Variants in PIGF observed in about 807,000 individuals in gnomAD.
PIGF encodes the protein phosphatidylinositol glycan anchor biosynthesis class F.
A neutral mutation model predicts 26.0 loss-of-function variants in PIGF; 23 were observed. The observed-to-expected ratio is 0.88, with a 90% CI of 0.64 to 1.25. The LOEUF is 1.25. PIGF is among the 50% of genes most tolerant of loss of function. PIGF has a pLI of 0.00. For synonymous variants in PIGF, 93 were observed against 92.6 expected (o/e 1.00, Z -0.03); for missense variants, 278 against 249.9 (o/e 1.11, Z -0.76).
At chr2:46,596,640 T>G (rs1669893911) in intron 4 of PIGF, among the ~76,000 whole-genome samples, 1 of 152,108 alleles carries the variant, frequency 6.6e-6, no homozygotes, top group Non-Finnish European at 1.5e-5. Context: ...CTCTTTTTGC[T>G]GCTTCTTCTA....
chr2:46,607,923 C>T (rs890082799), intron 4 of PIGF, among the ~76,000 whole-genome samples: 1 of 152,110 alleles, frequency 6.6e-6, no homozygotes, highest in African/African-American at 2.4e-5. Context: ...GTCTCAAACT[C>T]CTGACCTCAA....
intron 5 of PIGF, among the ~76,000 whole-genome samples, chr2:46,590,263 T>C (rs1669687701): frequency 6.6e-6 from 1 of 152,130 alleles, no homozygotes; most frequent in South Asian, 2.1e-4. Flanking sequence ...TCAATTTGGA[T>C]CTAGTTCATC....
intron 5 of PIGF, among the ~76,000 whole-genome samples, chr2:46,584,718 T>G (rs1669511885): frequency 6.6e-6 from 1 of 152,172 alleles, no homozygotes; most frequent in Non-Finnish European, 1.5e-5. Flanking sequence ...CTTACAAGAG[T>G]ACCTCCTTGG....
chr2:46,601,540 G>A (rs1572777867), intron 4 of PIGF, among the ~76,000 whole-genome samples: 1 of 151,996 alleles, frequency 6.6e-6, no homozygotes, highest in Non-Finnish European at 1.5e-5. Context: ...ATCTAAAAAA[G>A]AGACACTGTA....
In PIGF at chr2:46,589,717, T is replaced by A. The variant is rs774125731; in HGVS notation, c.546+2758A>T. ...AAGTGTATACTGTATTGTCTTCTCA[T>A]GAAATTTTGCTCTAACAACATCTCC... On this transcript the variant is annotated intron_variant, in intron 5 of 5. Coordinates refer to ENST00000281382, the MANE Select transcript of PIGF (RefSeq NM_002643.4). The surrounding 1 kb of genome is among the most constrained non-coding windows in gnomAD (Gnocchi z 4.7). Among the ~76,000 whole-genome samples the A allele has an allele frequency of 6.6e-6, 1 of 152,062 alleles. No individual in the cohort carries two copies. Among genetic ancestry groups the A allele is most frequent in the Non-Finnish European group, 1.5e-5 (1 of 67,930 alleles).
chr2:46,584,626 T>A (rs77695949), intron 5 of PIGF, among the ~76,000 whole-genome samples: 1 of 152,180 alleles, frequency 6.6e-6, no homozygotes, highest in East Asian at 1.9e-4. Flanking sequence ...ATTCATGTTA[T>A]GTAAATCAAG....
intron 4 of PIGF, among the ~76,000 whole-genome samples, chr2:46,606,193 A>G (rs1670216257): frequency 1.3e-5 from 2 of 152,356 alleles, no homozygotes; most frequent in African/African-American, 4.8e-5. Context: ...TTCAAATTTC[A>G]AAAGATAGCA....
At chr2:46,593,662 T>C (rs1460791583) in intron 4 of PIGF, among the ~76,000 whole-genome samples, 1 of 152,210 alleles carries the variant, frequency 6.6e-6, no homozygotes, top group Non-Finnish European at 1.5e-5. Flanking sequence ...CACTTCATCA[T>C]GTAGAACAGG....
rs2104071529 is a variant in PIGF at position 46,589,420 on chromosome 2, AGGAATGTTATACAAT to A, written c.546+3040_546+3054del. Reference sequence around the variant, plus strand: ...TCACTATAATCTTATGCTTGGCCTCAGGAATGTTATACAATGGTTTGAGTTCAAAGTAAAGAAAAC... The same window carrying A: ...TCACTATAATCTTATGCTTGGCCTCAGGTTTGAGTTCAAAGTAAAGAAAAC... On this transcript the variant is annotated intron_variant, in intron 5 of 5. Coordinates refer to ENST00000281382, the MANE Select transcript of PIGF (RefSeq NM_002643.4). This position sits in a 1 kb window ranked among gnomAD's most constrained non-coding sequence, Gnocchi z 4.7. Among the ~76,000 whole-genome samples the A allele has an allele frequency of 6.6e-6, 1 of 152,118 alleles. No individual in the cohort carries two copies. Among genetic ancestry groups the A allele is most frequent in the Admixed American group, 6.6e-5 (1 of 15,266 alleles).
intron 4 of PIGF, among the ~76,000 whole-genome samples, chr2:46,608,301 A>T (rs569952383): frequency 1.3e-5 from 2 of 152,152 alleles, no homozygotes; most frequent in Non-Finnish European, 2.9e-5. Flanking sequence ...CATCTGTTCC[A>T]GTTTTATCAT....
intron 1 of PIGF, 62 bp from the exon 2 acceptor site, chr2:46,615,247 T>C: frequency 1.4e-6 from 1 of 713,778 alleles, no homozygotes; most frequent in Non-Finnish European, 2.5e-6. Flanking sequence ...GTCTTAAATG[T>C]TTTGACCCCT....
intron 5 of PIGF, among the ~76,000 whole-genome samples, chr2:46,585,199 A>G (rs1376406): frequency 0.25 from 37,446 of 152,136 alleles, 5,738 homozygotes; most frequent in African/African-American, 0.44. Flanking sequence ...AAAATAGGAA[A>G]CTTAGAACAA....
At position 46,617,026 on chromosome 2, in the gene PIGF, A is replaced by ACGACGGGCGGCCCAGGCC. The variant is rs1345363049; in HGVS notation, c.-79_-78insGGCCTGGGCCGCCCGTCG. On this transcript the variant is annotated 5_prime_UTR_variant, in exon 1 of 6. Transcript: ENST00000281382. ...GAACTACTGCCTCCTACCATCAGGT[A>ACGACGGGCGGCCCAGGCC]CGACGGGCGGCCCAGGCCCACGCGC... 8.5e-6 allele frequency: 5 copies of ACGACGGGCGGCCCAGGCC among 585,758 alleles called. No individual in the cohort carries two copies. The East Asian group carries it at 1.2e-4, about 14-fold the overall frequency. 36.3% of individuals were successfully genotyped at this position (585,758 alleles called of 1,614,324 possible). A position where few individuals can be genotyped will look rare whatever the true frequency, so the allele number is the denominator to read the frequency against.
At chr2:46,591,483 G>A (rs1669721014) in intron 5 of PIGF, 1 of 793,202 alleles carries the variant, frequency 1.3e-6, no homozygotes, top group South Asian at 5.8e-5. Context: ...GTTGGAAAAA[G>A]AAAGCACATT....
chr2:46,581,673 A>G, intron 5 of PIGF, 82 bp from the exon 6 acceptor site: 4 of 1,510,378 alleles, frequency 2.6e-6, no homozygotes, highest in Non-Finnish European at 3.6e-6. Flanking sequence ...ATATTTCTAT[A>G]TTAAAGCTTA....
chr2:46,612,732 C>G (rs1670465351), intron 3 of PIGF, among the ~76,000 whole-genome samples: 2 of 152,086 alleles, frequency 1.3e-5, no homozygotes, highest in South Asian at 4.1e-4. Context: ...CTATTGAATA[C>G]TAGTTGTAGT....
chr2:46,606,669 C>T (rs556718069), intron 4 of PIGF, among the ~76,000 whole-genome samples: 1 of 152,288 alleles, frequency 6.6e-6, no homozygotes, highest in East Asian at 1.9e-4. Context: ...CCAAACTGCA[C>T]TTTACAGAGT....
At chr2:46,606,399 G>A (rs964006071) in intron 4 of PIGF, among the ~76,000 whole-genome samples, 6 of 152,050 alleles carry the variant, frequency 3.9e-5, no homozygotes, top group Admixed American at 2.6e-4. Context: ...CTAACTTATC[G>A]GTAAATAAAG....
chr2:46,611,275 C>T (rs1254774246), intron 4 of PIGF, among the ~76,000 whole-genome samples: 1 of 151,686 alleles, frequency 6.6e-6, no homozygotes, highest in Admixed American at 6.6e-5. Flanking sequence ...ATCATGAGGT[C>T]GAGATCAAGA....
Sources: gnomAD v4.1 joint callset for allele counts (sites outside exome capture counted in the v4.1 genomes callset) on GRCh38, gnomAD v4.1.1 for gene constraint, Gnocchi (gnomAD v3.1) non-coding constraint, MANE v1.5 for transcripts, NCBI Gene and HGNC (gene_info 2026-07-23, HGNC 2026-07-21) for gene names.